Variants in NOL4 observed in about 807,000 individuals in gnomAD.
NOL4 encodes the protein cancer/testis antigen 125.
A neutral mutation model predicts 75.9 loss-of-function variants in NOL4; 17 were observed. The ratio of observed to expected loss-of-function variants is 0.22; its 90% CI spans 0.15 to 0.34. NOL4 has a LOEUF of 0.34. NOL4 is among the 10% of genes least tolerant of loss of function. NOL4 has a pLI of 1.00. For synonymous variants in NOL4, 292 were observed against 289.9 expected (o/e 1.01, Z -0.07); for missense variants, 614 against 793.5 (o/e 0.77, Z 2.72).
chr18:33,982,243 T>A (rs2072024110), intron 6 of NOL4, among the ~76,000 whole-genome samples: 2 of 152,034 alleles, frequency 1.3e-5, no homozygotes, highest in Non-Finnish European at 2.9e-5. Flanking sequence ...ATGGTCTAAA[T>A]ATACCAATGA....
chr18:33,900,360 C>G (rs1216095193), intron 9 of NOL4, among the ~76,000 whole-genome samples: 1 of 152,174 alleles, frequency 6.6e-6, no homozygotes, highest in African/African-American at 2.4e-5. Context: ...CCACTAGGCC[C>G]CAGCTCCAAC....
chr18:33,964,329 G>A (rs1240515158), intron 6 of NOL4, among the ~76,000 whole-genome samples: 1 of 152,046 alleles, frequency 6.6e-6, no homozygotes, highest in Non-Finnish European at 1.5e-5. Context: ...TCATCAGTGA[G>A]TTTACAAGCA....
At chr18:34,102,740 C>G (rs2079098198) in intron 4 of NOL4, among the ~76,000 whole-genome samples, 1 of 151,850 alleles carries the variant, frequency 6.6e-6, no homozygotes, top group Non-Finnish European at 1.5e-5. Flanking sequence ...TCTGACAGCT[C>G]TAACTAGTTA....
At chr18:34,130,928 A>AT (rs1297946900) in intron 1 of NOL4, among the ~76,000 whole-genome samples, 1 of 152,142 alleles carries the variant, frequency 6.6e-6, no homozygotes, top group Non-Finnish European at 1.5e-5. Context: ...AAGTACAGCA[A>AT]AGAACAAAGA....
At chr18:34,157,723 G>GA (rs2030693293) in intron 1 of NOL4, among the ~76,000 whole-genome samples, 1 of 152,104 alleles carries the variant, frequency 6.6e-6, no homozygotes, top group Admixed American at 6.5e-5. Context: ...AAGAAGATGG[G>GA]AAGAGATTAT....
intron 8 of NOL4, among the ~76,000 whole-genome samples, chr18:33,945,922 C>T (rs1012137223): frequency 1.3e-5 from 2 of 151,778 alleles, no homozygotes; most frequent in African/African-American, 4.8e-5. Context: ...ACAAATTGAA[C>T]TAGATCCAGA....
chr18:34,057,741 C>T (rs2076891316), intron 5 of NOL4, among the ~76,000 whole-genome samples: 1 of 152,128 alleles, frequency 6.6e-6, no homozygotes, highest in Non-Finnish European at 1.5e-5. Flanking sequence ...AAGAATCATG[C>T]CTTATACATC....
At chr18:34,221,083 G>T (rs904083950) in intron 1 of NOL4, 3 of 152,178 alleles carry the variant, frequency 2.0e-5, no homozygotes, top group Admixed American at 1.3e-4. Context: ...GGACACATAT[G>T]TTAACACATA....
At chr18:34,090,631 G>C (rs943042035) in intron 5 of NOL4, among the ~76,000 whole-genome samples, 1 of 151,850 alleles carries the variant, frequency 6.6e-6, no homozygotes, top group African/African-American at 2.4e-5. Flanking sequence ...CCACAGAGAT[G>C]AATGAGACAG....
chr18:33,923,647 C>A (rs548264891), intron 9 of NOL4, among the ~76,000 whole-genome samples: 1 of 152,248 alleles, frequency 6.6e-6, no homozygotes, highest in African/African-American at 2.4e-5. Context: ...CAAATACCGT[C>A]TTCCTTATGT....
chr18:34,000,017 C>T (rs2073582789), intron 6 of NOL4, among the ~76,000 whole-genome samples: 1 of 152,074 alleles, frequency 6.6e-6, no homozygotes, highest in Admixed American at 6.6e-5. Context: ...GGATAGGAAG[C>T]CACTAGCAAG....
intron 9 of NOL4, among the ~76,000 whole-genome samples, chr18:33,885,570 T>C (rs1599741917): frequency 1.3e-5 from 2 of 152,218 alleles, no homozygotes; most frequent in East Asian, 1.9e-4. Flanking sequence ...TATGAAAAGG[T>C]GCTCAACATC....
At chr18:34,172,669 A>G (rs2033160880) in intron 1 of NOL4, among the ~76,000 whole-genome samples, 1 of 152,064 alleles carries the variant, frequency 6.6e-6, no homozygotes, top group South Asian at 2.1e-4. Context: ...CCTTTTCTCC[A>G]TATCAACACT....
chr18:34,027,246 C>G (rs539140838), intron 5 of NOL4, among the ~76,000 whole-genome samples: 7 of 152,082 alleles, frequency 4.6e-5, no homozygotes, highest in Non-Finnish European at 7.4e-5. Flanking sequence ...TGGTTTGGAA[C>G]AAGCTCAGTA....
intron 5 of NOL4, among the ~76,000 whole-genome samples, chr18:34,053,852 C>G (rs2076725868): frequency 6.6e-6 from 1 of 151,842 alleles, no homozygotes; most frequent in South Asian, 2.1e-4. Flanking sequence ...TTGATTCTTT[C>G]AGAATACTCA....
rs931842923 is a variant in NOL4 at position 34,019,480 on chromosome 18, C to A, written c.894G>T (p.Glu298Asp). Residue 298 changes from glutamate (E) to aspartate (D), a missense_variant, in exon 6 of 11, where the codon GAG becomes GAT. Around this residue, in one of 9 missense-constraint regions of NOL4, gnomAD observed 196 missense variants for 167.9 expected, o/e 1.17. Transcript: ENST00000261592. ...DSNSDGKTGL[E>D]QDEQPLNLSD... ...TCAGGTTCAGTGGCTGTTCATCTTG[C>A]TCCAGCCCAGTTTTGCCATCACTGT... 6.8e-6 allele frequency: 11 copies of A among 1,614,046 alleles called. No homozygotes were observed. The highest frequency in any genetic ancestry group is 1.3e-5 in the African/African-American group (1 of 75,022).
chr18:34,136,334 T>A (rs1237886722), intron 1 of NOL4, among the ~76,000 whole-genome samples: 2 of 152,266 alleles, frequency 1.3e-5, no homozygotes, highest in South Asian at 4.1e-4. Flanking sequence ...CTGGTGAATC[T>A]AGCCAGGAAA....
At chr18:33,981,565 G>C (rs916481563) in intron 6 of NOL4, among the ~76,000 whole-genome samples, 1 of 152,002 alleles carries the variant, frequency 6.6e-6, no homozygotes, top group Non-Finnish European at 1.5e-5. Context: ...CAGCTAACTA[G>C]AATTCTGTAT....
intron 6 of NOL4, among the ~76,000 whole-genome samples, chr18:33,982,901 C>T (rs1416393028): frequency 6.6e-6 from 1 of 151,870 alleles, no homozygotes; most frequent in African/African-American, 2.4e-5. Context: ...CAGGCATGTA[C>T]CACCACACGT....
Sources: gnomAD v4.1 joint callset for allele counts (sites outside exome capture counted in the v4.1 genomes callset) on GRCh38, gnomAD v4.1.1 for gene constraint, gnomAD v4.1.1 regional missense constraint, MANE v1.5 for transcripts, NCBI Gene and HGNC (gene_info 2026-07-23, HGNC 2026-07-21) for gene names.